The following HIVEP2 variants were observed in gnomAD, a reference collection of about 807,000 sequenced individuals.
The protein encoded by HIVEP2 is HIVEP zinc finger 2.
HIVEP2 carries 14 observed loss-of-function variants against 180.7 expected under a neutral mutation model. The ratio of observed to expected loss-of-function variants is 0.08; its 90% CI spans 0.05 to 0.12. HIVEP2 has a LOEUF of 0.12. Among genes scored for constraint, HIVEP2 ranks in the 10% least tolerant of loss-of-function variants. HIVEP2 has a pLI of 1.00. For synonymous variants in HIVEP2, 1,184 were observed against 1,136.4 expected (o/e 1.04, Z -0.84); for missense variants, 2,579 against 3,008.5 (o/e 0.86, Z 3.34).
In HIVEP2 at chr6:142,773,441, C is replaced by G; in HGVS notation, c.1298G>C (p.Ser433Thr). ...EIIFGKYCRLSPRNALSVTTT... is the reference protein window; with the variant it reads ...EIIFGKYCRLTPRNALSVTTT... ...TGTAACACTGAGTGCATTTCTCGGA[C>G]TAAGCCGACAGTATTTTCCAAAGAT... The change falls in exon 5 of 10, where the codon AGT becomes ACT. Residue 433 changes from serine (S) to threonine (T), a missense_variant. Ser to Thr is a moderately conservative substitution (Grantham distance 58). This residue lies in a region of HIVEP2 where 524 missense variants were observed against 563.6 expected (regional missense o/e 0.93). Transcript: ENST00000367603. 6.2e-7 allele frequency: 1 copy of G among 1,614,212 alleles called. No individual in the cohort carries two copies. Among genetic ancestry groups the G allele is most frequent in the Non-Finnish European group, 8.5e-7 (1 of 1,180,036 alleles).
At chr6:142,813,758 G>C (rs1269783557) in intron 2 of HIVEP2, among the ~76,000 whole-genome samples, 2 of 151,614 alleles carry the variant, frequency 1.3e-5, no homozygotes, top group Non-Finnish European at 2.9e-5. Context: ...GTAGAGACAA[G>C]GTCTCACTGT....
chr6:142,771,498 C>A lies in HIVEP2; in HGVS notation c.3241G>T (p.Val1081Leu). Residue 1081 changes from valine to leucine, a missense_variant, in exon 5 of 10, where the codon GTG (valine) becomes TTG (leucine). Around this residue, in one of 11 missense-constraint regions of HIVEP2, gnomAD observed 523 missense variants for 577.0 expected, o/e 0.91. Coordinates refer to ENST00000367603, the MANE Select transcript of HIVEP2 (RefSeq NM_006734.4). This position sits in a 1 kb window ranked among gnomAD's most constrained non-coding sequence, Gnocchi z 5.4. ...PSRERKKCFL[V>L]RQASFSGSPE... Reference sequence around the variant, plus strand: ...GAGCCACTGAAGGAAGCTTGCCGCACCAGAAAGCATTTCTTCCTCTCCCTG... The same window carrying A: ...GAGCCACTGAAGGAAGCTTGCCGCAACAGAAAGCATTTCTTCCTCTCCCTG... 1 of 1,613,688 alleles carries A rather than the reference C, an allele frequency of 6.2e-7. No individual in the cohort carries two copies. Among genetic ancestry groups the A allele is most frequent in the Non-Finnish European group, 8.5e-7 (1 of 1,180,034 alleles).
chr6:142,788,805 A>G (rs1776070173), intron 2 of HIVEP2, among the ~76,000 whole-genome samples: 1 of 152,218 alleles, frequency 6.6e-6, no homozygotes, highest in Admixed American at 6.5e-5. Context: ...TTAGTTCAAC[A>G]AATGACATAA....
rs758464437 is a variant in HIVEP2, at chr6:142,760,400, A to C, written c.5888T>G (p.Leu1963Arg). Reference protein sequence around the residue: ...VPHGVPSDSSLGHSSLISYLV... With the variant: ...VPHGVPSDSSRGHSSLISYLV... ...ATAGCTGATCAACGAAGAATGTCCC[A>C]GGGAACTATCTGAAGGAACCCCGTG... The change falls in exon 9 of 10, where the codon CTG (leucine) becomes CGG (arginine). Residue 1963 changes from leucine (L) to arginine (R), a missense_variant. Leu to Arg is a moderately radical substitution (Grantham distance 102, BLOSUM62 -2). Around this residue, in one of 11 missense-constraint regions of HIVEP2, gnomAD observed 660 missense variants for 731.7 expected, o/e 0.90. Transcript: ENST00000367603. The C allele has an allele frequency of 6.2e-7, 1 of 1,614,116 alleles. No homozygotes were observed. The highest frequency in any genetic ancestry group is 1.3e-5 in the African/African-American group (1 of 74,942).
intron 5 of HIVEP2, among the ~76,000 whole-genome samples, 170 bp downstream of exon 5, chr6:142,769,382 C>G (rs138205325): frequency 2.6e-5 from 4 of 152,208 alleles, no homozygotes; most frequent in African/African-American, 4.8e-5. Flanking sequence ...GAACCAAGTG[C>G]AGTCAGTGGC....
rs1448848221 is a variant in HIVEP2, at chr6:142,760,656, C to A, written c.5632G>T (p.Asp1878Tyr). ...TGCTTCTCTGCTGCTTTGTGCAAAT[C>A]TTCCAAATTTTCTGAAACAATTAAA... ...TETEEAENLE[D>Y]LHKAAEKHSM... Residue 1878 changes from aspartate (D) to tyrosine (Y), a missense_variant, in exon 9 of 10, where the codon GAT (aspartate) becomes TAT (tyrosine). Asp to Tyr is a radical substitution (Grantham distance 160). Transcript: ENST00000367603. 2 of 1,591,842 alleles carry A rather than the reference C, an allele frequency of 1.3e-6. No individual in the cohort carries two copies. The highest frequency in any genetic ancestry group is 2.3e-5 in the South Asian group (2 of 87,396).
intron 1 of HIVEP2, among the ~76,000 whole-genome samples, chr6:142,926,322 C>T (rs1341929974): frequency 6.6e-6 from 1 of 152,148 alleles, no homozygotes; most frequent in Non-Finnish European, 1.5e-5. Context: ...TAATCATATT[C>T]CCTAAATAAC....
rs767176800 is a variant in HIVEP2 at position 142,773,147 on chromosome 6, A to G, written c.1592T>C (p.Leu531Ser). The G allele has an allele frequency of 2.5e-6, 4 of 1,614,224 alleles. No individual in the cohort carries two copies. Among genetic ancestry groups the G allele is most frequent in the South Asian group, 2.2e-5 (2 of 91,086 alleles). ...ANFQGSNPVLLEAPVDSSPLI... is the reference protein window; with the variant it reads ...ANFQGSNPVLSEAPVDSSPLI... Reference sequence around the variant, plus strand: ...GGGTGAAGAGTCTACAGGAGCTTCTAAGAGAACCGGGTTGCTGCCTTGGAA... The same window carrying G: ...GGGTGAAGAGTCTACAGGAGCTTCTGAGAGAACCGGGTTGCTGCCTTGGAA... The change falls in exon 5 of 10, where the codon TTA becomes TCA. Residue 531 changes from leucine (L) to serine (S), a missense_variant. Transcript: ENST00000367603.
intron 1 of HIVEP2, among the ~76,000 whole-genome samples, chr6:142,858,660 C>T (rs917613538): frequency 2.6e-5 from 4 of 151,996 alleles, no homozygotes; most frequent in Admixed American, 1.3e-4. Flanking sequence ...GACACGATCT[C>T]GGCTCACTGC....
chr6:142,884,789 C>G (rs1776656141), intron 1 of HIVEP2, among the ~76,000 whole-genome samples: 1 of 152,130 alleles, frequency 6.6e-6, no homozygotes, highest in Admixed American at 6.6e-5. Context: ...ACATCCAGTT[C>G]AGGAACCTTA....
chr6:142,816,390 T>C (rs1048786310), intron 2 of HIVEP2, among the ~76,000 whole-genome samples: 2 of 152,226 alleles, frequency 1.3e-5, no homozygotes, highest in Non-Finnish European at 2.9e-5. Flanking sequence ...ATTTCCTTAA[T>C]TCATCTCTTT....
intron 1 of HIVEP2, among the ~76,000 whole-genome samples, chr6:142,929,926 C>T (rs1777901982): frequency 6.6e-6 from 1 of 152,158 alleles, no homozygotes; most frequent in South Asian, 2.1e-4. Context: ...ACTTGTTTCA[C>T]AAACTGGCCT....
chr6:142,941,698 T>C (rs1445263154), intron 1 of HIVEP2, among the ~76,000 whole-genome samples: 1 of 152,236 alleles, frequency 6.6e-6, no homozygotes, highest in Non-Finnish European at 1.5e-5. Flanking sequence ...TTTCATTAAG[T>C]TGAGTTAGCA....
chr6:142,856,823 G>A (rs1474998312), intron 1 of HIVEP2, among the ~76,000 whole-genome samples: 1 of 152,164 alleles, frequency 6.6e-6, no homozygotes, highest in African/African-American at 2.4e-5. Context: ...GGTTAGCAGG[G>A]GCTCCCCAAA....
chr6:142,852,770 T>C (rs1467950965), intron 1 of HIVEP2, among the ~76,000 whole-genome samples: 1 of 151,110 alleles, frequency 6.6e-6, no homozygotes, highest in East Asian at 1.9e-4. Flanking sequence ...TGAATCAATT[T>C]GTGCAGTTTG....
chr6:142,841,113 T>C (rs1775350098), intron 1 of HIVEP2, among the ~76,000 whole-genome samples: 1 of 152,096 alleles, frequency 6.6e-6, no homozygotes, highest in Non-Finnish European at 1.5e-5. Context: ...CTTTATGTAA[T>C]ATATATTAAT....
intron 3 of HIVEP2, among the ~76,000 whole-genome samples, chr6:142,782,623 C>A (rs759058236): frequency 2.6e-5 from 4 of 152,172 alleles, no homozygotes; most frequent in Non-Finnish European, 2.9e-5. Flanking sequence ...ATGGAGAAAA[C>A]TCTATTATAT....
rs777238929 is a variant in HIVEP2 at position 142,768,368 on chromosome 6, CTT to C, written c.5342+12_5342+13del. 7 of 1,606,710 alleles carry C rather than the reference CTT, an allele frequency of 4.4e-6. No homozygotes were observed. In the African/African-American group the frequency reaches 8.1e-5, roughly 19 times the overall value. On this transcript the variant is annotated intron_variant, in intron 6 of 9. Transcript: ENST00000367603. ...TATAACTGCACATTTTACATTTGCA[CTT>C]TGTTTCCTTACCCTCCTTCAAATAT...
At chr6:142,838,212 A>T (rs1347470593) in intron 1 of HIVEP2, among the ~76,000 whole-genome samples, 2 of 152,134 alleles carry the variant, frequency 1.3e-5, no homozygotes. Flanking sequence ...CTAACTAGAA[A>T]TCCATGTAGT....
Sources: allele counts gnomAD v4.1 joint callset (sites outside exome capture counted in the v4.1 genomes callset), GRCh38; gene constraint gnomAD v4.1.1; regional missense constraint gnomAD v4.1.1; non-coding constraint Gnocchi (gnomAD v3.1); transcripts MANE v1.5; gene names NCBI Gene and HGNC (gene_info 2026-07-23, HGNC 2026-07-21).